Variants in ELP4 observed in about 807,000 individuals in gnomAD.
The protein encoded by ELP4 is elongator acetyltransferase complex subunit 4.
Under a neutral mutation model 48.9 loss-of-function variants are expected in ELP4, and 51 were observed. The observed-to-expected ratio is 1.04, with a 90% CI of 0.83 to 1.32. The LOEUF is 1.32. ELP4 is among the 40% of genes most tolerant of loss of function. The probability of loss-of-function intolerance (pLI) is 0.00; values close to 1 mark genes in which losing one functional copy is unlikely to be tolerated. For synonymous variants in ELP4, 210 were observed against 189.2 expected (o/e 1.11, Z -0.90); for missense variants, 519 against 514.6 (o/e 1.01, Z -0.08).
chr11:31,702,178 C>T (rs1346636634), intron 9 of ELP4, among the ~76,000 whole-genome samples: 1 of 152,070 alleles, frequency 6.6e-6, no homozygotes, highest in Non-Finnish European at 1.5e-5. Context: ...TGGTGCCACA[C>T]ACCTGACCCA....
intron 9 of ELP4, among the ~76,000 whole-genome samples, chr11:31,699,401 C>T (rs1322876972): frequency 6.6e-6 from 1 of 152,030 alleles, no homozygotes; most frequent in Non-Finnish European, 1.5e-5. Context: ...TAATGGAAAA[C>T]ATTAAATAAA....
chr11:31,673,703 A>G (rs1256848242), intron 9 of ELP4, among the ~76,000 whole-genome samples: 1 of 152,220 alleles, frequency 6.6e-6, no homozygotes, highest in African/African-American at 2.4e-5. Context: ...TCAGTTATCT[A>G]TCATAAGCTC....
At chr11:31,612,620 T>A (rs1208546589) in intron 5 of ELP4, among the ~76,000 whole-genome samples, 1 of 152,098 alleles carries the variant, frequency 6.6e-6, no homozygotes, top group Non-Finnish European at 1.5e-5. Flanking sequence ...CATATGTATA[T>A]AAGGAGAAAG....
chr11:31,550,052 G>A (rs1216375890), intron 3 of ELP4, among the ~76,000 whole-genome samples: 1 of 152,036 alleles, frequency 6.6e-6, no homozygotes, highest in East Asian at 1.9e-4. Flanking sequence ...GAGTTAGTGG[G>A]TGCAGCGCAC....
chr11:31,685,847 C>T (rs1296115789), intron 9 of ELP4, among the ~76,000 whole-genome samples: 2 of 151,700 alleles, frequency 1.3e-5, no homozygotes, highest in South Asian at 4.2e-4. Context: ...AGGAGAATCA[C>T]TTCAACCTGG....
chr11:31,738,623 C>T (rs1009508172), intron 9 of ELP4, among the ~76,000 whole-genome samples: 23 of 151,756 alleles, frequency 1.5e-4, no homozygotes, highest in Non-Finnish European at 7.4e-5. Flanking sequence ...ATAGTCTCAG[C>T]GCCGGGGGAG....
chr11:31,712,730 G>C (rs1382351102), intron 9 of ELP4, among the ~76,000 whole-genome samples: 1 of 151,832 alleles, frequency 6.6e-6, no homozygotes, highest in Non-Finnish European at 1.5e-5. Flanking sequence ...TTAGTTTCTG[G>C]TTGAAAAAGC....
At chr11:31,622,823 A>G (rs1010983344) in intron 5 of ELP4, among the ~76,000 whole-genome samples, 2 of 151,664 alleles carry the variant, frequency 1.3e-5, no homozygotes, top group Non-Finnish European at 3.0e-5. Flanking sequence ...ATATTAGTAT[A>G]AAGAAATAAA....
At chr11:31,654,115 C>A (rs1427099293) in intron 9 of ELP4, 3 of 151,442 alleles carry the variant, frequency 2.0e-5, no homozygotes, top group African/African-American at 4.8e-5. Flanking sequence ...TTAGTTGCAC[C>A]ATCCATTAAG....
At chr11:31,758,489 G>A (rs1947877543) in intron 9 of ELP4, among the ~76,000 whole-genome samples, 3 of 152,128 alleles carry the variant, frequency 2.0e-5, no homozygotes, top group African/African-American at 7.2e-5. Context: ...AACTGGACTA[G>A]ACTATTATGA....
intron 9 of ELP4, among the ~76,000 whole-genome samples, chr11:31,752,792 C>T (rs998491719): frequency 6.6e-6 from 1 of 150,478 alleles, no homozygotes; most frequent in African/African-American, 2.4e-5. Flanking sequence ...TGGGATCGCG[C>T]CACTGAACTC....
rs1435735258 is a variant in ELP4, at chr11:31,586,706, A to G, written c.382-8064A>G. Among the ~76,000 whole-genome samples the G allele has an allele frequency of 2.6e-5, 4 of 151,908 alleles. No homozygotes were observed. The South Asian group carries it at 8.3e-4, about 32-fold the overall frequency. Reference sequence around the variant, plus strand: ...ACCCAGGCTGGAGTGCAGTGGCGCAATCTCGGCTCGCTGCAAGCTCCGCCT... The same window carrying G: ...ACCCAGGCTGGAGTGCAGTGGCGCAGTCTCGGCTCGCTGCAAGCTCCGCCT... On this transcript the variant is annotated intron_variant, in intron 3 of 9. Transcript: ENST00000640961.
intron 9 of ELP4, chr11:31,651,182 C>G (rs1945310509): frequency 6.6e-6 from 1 of 151,668 alleles, no homozygotes; most frequent in Non-Finnish European, 1.5e-5. Flanking sequence ...CCTCTTTAAG[C>G]TGGCCACTTG....
At chr11:31,685,980 C>T (rs775782737) in intron 9 of ELP4, among the ~76,000 whole-genome samples, 1 of 150,792 alleles carries the variant, frequency 6.6e-6, no homozygotes, top group Non-Finnish European at 1.5e-5. Flanking sequence ...GATTATAGCA[C>T]ATTAATACGT....
At chr11:31,631,012 A>T (rs1370547060) in intron 6 of ELP4, among the ~76,000 whole-genome samples, 1 of 152,128 alleles carries the variant, frequency 6.6e-6, no homozygotes, top group Non-Finnish European at 1.5e-5. Flanking sequence ...GTCCAGAATC[A>T]TACATCTTCT....
At chr11:31,529,949 C>A (rs1338073793) in intron 2 of ELP4, among the ~76,000 whole-genome samples, 1 of 152,142 alleles carries the variant, frequency 6.6e-6, no homozygotes, top group Admixed American at 6.6e-5. Flanking sequence ...TACAACAGGT[C>A]AGAGTGAGGC....
chr11:31,708,881 G>T (rs932545474), intron 9 of ELP4, among the ~76,000 whole-genome samples: 3 of 152,052 alleles, frequency 2.0e-5, no homozygotes, highest in African/African-American at 7.2e-5. Flanking sequence ...AAGGAAAGTT[G>T]TTATTGACAT....
At chr11:31,777,683 G>A (rs1948278753) in intron 9 of ELP4, among the ~76,000 whole-genome samples, 1 of 152,146 alleles carries the variant, frequency 6.6e-6, no homozygotes, top group African/African-American at 2.4e-5. Flanking sequence ...CCAACTTTCA[G>A]GTCTTGCCTT....
chr11:31,535,027 A>G (rs1353404728), intron 2 of ELP4, among the ~76,000 whole-genome samples: 1 of 152,178 alleles, frequency 6.6e-6, no homozygotes, highest in Non-Finnish European at 1.5e-5. Flanking sequence ...GCTGTAAGCA[A>G]TGCAGAAGCA....
Sources: gnomAD v4.1 joint callset for allele counts (sites outside exome capture counted in the v4.1 genomes callset) on GRCh38, gnomAD v4.1.1 for gene constraint, MANE v1.5 for transcripts, NCBI Gene and HGNC (gene_info 2026-07-23, HGNC 2026-07-21) for gene names.